KTN1: variants seen among roughly 807,000 people sequenced by gnomAD.
KTN1 encodes the protein kinectin.
In KTN1, 130 loss-of-function variants were observed where a neutral mutation model predicts 222.5. The ratio of observed to expected loss-of-function variants is 0.58; its 90% CI spans 0.51 to 0.68. The LOEUF is 0.68. KTN1 is among the 30% of genes least tolerant of loss of function. The pLI, the probability that KTN1 is intolerant of heterozygous loss-of-function variation, is 0.00. For synonymous variants in KTN1, 512 were observed against 496.3 expected, an observed-to-expected ratio of 1.03 and a Z score of -0.42; for missense variants, 1,508 against 1,500.4, an observed-to-expected ratio of 1.01 and a Z score of -0.08.
intron 18 of KTN1, among the ~76,000 whole-genome samples, chr14:55,646,601 C>CT (rs983944700): frequency 3.9e-5 from 5 of 128,990 alleles, no homozygotes; most frequent in South Asian, 2.5e-4. Context: ...TCTTTTCTTT[C>CT]TTTTTTTTTG....
intron 42 of KTN1, 56 bp from the exon 43 acceptor site, chr14:55,679,509 T>TG: frequency 3.4e-6 from 5 of 1,455,650 alleles, no homozygotes. Flanking sequence ...GTTGTTTGGT[T>TG]TTACATTTCT....
At chr14:55,669,619 T>C (rs954573622) in intron 34 of KTN1, among the ~76,000 whole-genome samples, 7 of 151,984 alleles carry the variant, frequency 4.6e-5, no homozygotes, top group African/African-American at 1.7e-4. Context: ...TAGAAGGAAA[T>C]TTACAAACTT....
intron 1 of KTN1, among the ~76,000 whole-genome samples, chr14:55,607,140 T>C (rs746307447): frequency 1.3e-5 from 2 of 152,192 alleles, no homozygotes; most frequent in Non-Finnish European, 2.9e-5. Flanking sequence ...CTTTGTTATA[T>C]TAATATAAAT....
chr14:55,674,550 T>C (rs1241460033), intron 40 of KTN1: 1 of 152,182 alleles, frequency 6.6e-6, no homozygotes, highest in Non-Finnish European at 1.5e-5. Context: ...ACTGGTTCTA[T>C]GCTATGCATT....
At chr14:55,670,592 AT>A (rs1177255703) in intron 34 of KTN1, 136 bp from the exon 35 acceptor site, 16 of 571,952 alleles carry the variant, frequency 2.8e-5, no homozygotes, top group Non-Finnish European at 3.9e-5. Flanking sequence ...CCTCTTTGAA[AT>A]TTGTAGCAAT....
At chr14:55,617,793 C>G (rs990491394) in intron 3 of KTN1, among the ~76,000 whole-genome samples, 171 bp from the exon 4 acceptor site, 14 of 152,090 alleles carry the variant, frequency 9.2e-5, no homozygotes, top group African/African-American at 3.4e-4. Flanking sequence ...GGTACGGCTT[C>G]ATTAGAATGA....
At chr14:55,672,311 T>G (rs1011379308) in intron 37 of KTN1, 89 of 246,874 alleles carry the variant, frequency 3.6e-4, no homozygotes, top group Admixed American at 1.3e-3. Context: ...ACTTATTTTT[T>G]GGGGCCAATG....
At chr14:55,682,942 G>T (rs767651372) in intron 43 of KTN1, 2 of 152,014 alleles carry the variant, frequency 1.3e-5, no homozygotes, top group African/African-American at 2.4e-5. Flanking sequence ...TGTCAGTAGC[G>T]TATTGGAGAG....
In KTN1 at chr14:55,675,880, C is replaced by G; in HGVS notation, c.3817C>G (p.Gln1273Glu). The change falls in exon 41 of 44, where the codon CAA (glutamine) becomes GAA (glutamate). Residue 1273 changes from glutamine (Q) to glutamate (E), a missense_variant. By Grantham distance (29) the Gln-to-Glu change is conservative. Coordinates refer to ENST00000395314, the MANE Select transcript of KTN1 (RefSeq NM_001079521.2). ...NETLTKLRTE[Q>E]NERQKVAGDL... ...AACACTCACAAAACTTAGAACTGAA[C>G]AAAATGAAAGACAGAAGGTAGCTGG... is the stretch of plus-strand genomic sequence containing the variant. The G allele has an allele frequency of 6.2e-7, 1 of 1,613,332 alleles. No individual in the cohort carries two copies. The highest frequency in any genetic ancestry group is 8.5e-7 in the Non-Finnish European group (1 of 1,179,454).
chr14:55,599,878 G>A (rs574727817), intron 1 of KTN1, among the ~76,000 whole-genome samples: 1 of 152,070 alleles, frequency 6.6e-6, no homozygotes, highest in South Asian at 2.1e-4. Context: ...TCTCTTTTGT[G>A]TCAATACTAC....
At chr14:55,589,971 T>G (rs545274356) in intron 1 of KTN1, among the ~76,000 whole-genome samples, 2 of 152,130 alleles carry the variant, frequency 1.3e-5, no homozygotes, top group South Asian at 4.2e-4. Flanking sequence ...TTATCTGATT[T>G]CTTAAGGTAG....
At chr14:55,614,364 G>A (rs2038040999) in intron 2 of KTN1, among the ~76,000 whole-genome samples, 1 of 152,184 alleles carries the variant, frequency 6.6e-6, no homozygotes, top group Non-Finnish European at 1.5e-5. Context: ...AACTATGGTA[G>A]TGACAGAAGA....
intron 31 of KTN1, among the ~76,000 whole-genome samples, chr14:55,659,923 TTTTG>T (rs2043930800): frequency 6.6e-6 from 1 of 152,196 alleles, no homozygotes; most frequent in Admixed American, 6.5e-5. Flanking sequence ...AGATGTTTGT[TTTTG>T]TTTTTTTAGG....
chr14:55,666,464 TG>T (rs200351397), intron 33 of KTN1, among the ~76,000 whole-genome samples: 112 of 151,498 alleles, frequency 7.4e-4, no homozygotes, highest in African/African-American at 2.2e-3. Flanking sequence ...GTTACATTTT[TG>T]TTTTTGGTGC....
At chr14:55,628,296 T>A (rs1242808160) in intron 6 of KTN1, among the ~76,000 whole-genome samples, 1 of 152,212 alleles carries the variant, frequency 6.6e-6, no homozygotes, top group East Asian at 1.9e-4. Flanking sequence ...TGGGAATTTG[T>A]TTTAATTGGA....
At chr14:55,651,442 T>C (rs1047395704) in intron 24 of KTN1, 5 of 443,728 alleles carry the variant, frequency 1.1e-5, no homozygotes, top group Non-Finnish European at 2.2e-5. Flanking sequence ...TGTTGAGTAG[T>C]TGGCCTTGAA....
At chr14:55,636,653 G>A (rs1594999265) in intron 10 of KTN1, 117 bp downstream of exon 10, 2 of 631,562 alleles carry the variant, frequency 3.2e-6, no homozygotes, top group East Asian at 2.9e-5. Context: ...AATAAAAATA[G>A]CTTTTATACT....
Position 55,619,462 on chromosome 14 carries a change from C to T in KTN1, c.963+150C>T, listed in dbSNP as rs575119565. 9.3e-5 allele frequency: 65 copies of T among 699,352 alleles called. No individual in the cohort carries two copies. The East Asian group carries it at 1.1e-3, about 12-fold the overall frequency. The allele number at this position is 699,352 out of a possible 1,614,324, so 43.3% of individuals were successfully genotyped here. On this transcript the variant is annotated intron_variant, in intron 5 of 43. Coordinates refer to ENST00000395314, the MANE Select transcript of KTN1 (RefSeq NM_001079521.2). ...TGCCTTCAGAAATTACTTTATATAT[C>T]GTATTAGTCTGTTTTCATGCCGCTG...
chr14:55,585,115 G>C (rs1011470943), intron 1 of KTN1, among the ~76,000 whole-genome samples: 1 of 134,574 alleles, frequency 7.4e-6, no homozygotes, highest in Non-Finnish European at 1.5e-5. Context: ...CTGGGTGACA[G>C]AGTGAGACTG....
Sources: allele counts gnomAD v4.1 joint callset (sites outside exome capture counted in the v4.1 genomes callset), GRCh38; gene constraint gnomAD v4.1.1; transcripts MANE v1.5; gene names NCBI Gene and HGNC (gene_info 2026-07-23, HGNC 2026-07-21).